ST18: variants seen among roughly 807,000 people sequenced by gnomAD.
ST18 encodes suppression of tumorigenicity 18 protein.
A neutral mutation model predicts 110.0 loss-of-function variants in ST18; 50 were observed. The observed-to-expected ratio is 0.45, with a 90% CI of 0.36 to 0.58. ST18 has a LOEUF of 0.58. Among genes scored for constraint, ST18 ranks in the 20% least tolerant of loss-of-function variants. The pLI is 0.00. For missense variants in ST18, 1,306 were observed against 1,280.1 expected (o/e 1.02, Z -0.31); for synonymous variants, 461 against 452.4 (o/e 1.02, Z -0.24).
chr8:52,280,450 T>C (rs1232050471), intron 2 of ST18, among the ~76,000 whole-genome samples: 1 of 152,028 alleles, frequency 6.6e-6, no homozygotes. Context: ...ATGCATGACA[T>C]GTATATACAC....
intron 2 of ST18, among the ~76,000 whole-genome samples, chr8:52,267,973 T>C (rs1660267394): frequency 6.6e-6 from 1 of 152,168 alleles, no homozygotes; most frequent in African/African-American, 2.4e-5. Context: ...GCCAGGAAAA[T>C]ACACATAAAG....
intron 13 of ST18, among the ~76,000 whole-genome samples, chr8:52,163,268 C>T (rs1468481344): frequency 2.0e-5 from 3 of 152,134 alleles, no homozygotes; most frequent in Admixed American, 2.0e-4. Context: ...ATCTTGAAAA[C>T]GTTGAAATGT....
intron 8 of ST18, chr8:52,199,018 C>T (rs1321041719): frequency 2.0e-5 from 3 of 152,166 alleles, no homozygotes; most frequent in Admixed American, 6.5e-5. Flanking sequence ...CATTGGTACT[C>T]ATGGGGTGCC....
intron 2 of ST18, among the ~76,000 whole-genome samples, chr8:52,336,874 T>C (rs1812350311): frequency 6.6e-6 from 1 of 152,234 alleles, no homozygotes; most frequent in South Asian, 2.1e-4. Context: ...TTGTAAGCCC[T>C]GAGGCTCAGA....
intron 2 of ST18, among the ~76,000 whole-genome samples, chr8:52,237,442 A>T (rs1275758809): frequency 6.6e-6 from 1 of 152,194 alleles, no homozygotes. Context: ...ATGAATCAGG[A>T]ACTATTAATT....
chr8:52,173,494 C>G (rs1438616850), intron 9 of ST18, among the ~76,000 whole-genome samples: 2 of 152,158 alleles, frequency 1.3e-5, no homozygotes, highest in East Asian at 1.9e-4. Context: ...TCAGTGTCAC[C>G]CCCTCTTGCT....
chr8:52,115,838 T>C (rs2042343235), intron 25 of ST18, among the ~76,000 whole-genome samples: 1 of 152,196 alleles, frequency 6.6e-6, no homozygotes, highest in Non-Finnish European at 1.5e-5. Context: ...ACGTTCTTCA[T>C]ACTTCCATAT....
intron 2 of ST18, among the ~76,000 whole-genome samples, chr8:52,290,656 G>A (rs778407344): frequency 7.2e-5 from 11 of 152,032 alleles, no homozygotes; most frequent in Non-Finnish European, 1.3e-4. Flanking sequence ...AGGTGTGGAC[G>A]ACCCTTCTGA....
At chr8:52,268,610 T>C (rs919086278) in intron 2 of ST18, among the ~76,000 whole-genome samples, 1 of 152,164 alleles carries the variant, frequency 6.6e-6, no homozygotes, top group African/African-American at 2.4e-5. Flanking sequence ...AGAAAGAACT[T>C]ACAGCAGCTT....
chr8:52,330,468 T>A (rs934741436), intron 2 of ST18, among the ~76,000 whole-genome samples: 1 of 152,188 alleles, frequency 6.6e-6, no homozygotes, highest in East Asian at 1.9e-4. Context: ...ATAGCAAATG[T>A]CCCTTTTCAA....
chr8:52,162,327 T>A (rs1409788650), intron 13 of ST18, among the ~76,000 whole-genome samples: 1 of 152,216 alleles, frequency 6.6e-6, no homozygotes, highest in Non-Finnish European at 1.5e-5. Flanking sequence ...GTCACAATTG[T>A]GACCAGTGAG....
Position 52,214,391 on chromosome 8 carries a change from A to C in ST18, c.1-134T>G, listed in dbSNP as rs2083364491. On this transcript the variant is annotated intron_variant, in intron 6 of 25. Transcript: ENST00000689386. The stretch of plus-strand genomic sequence containing the variant: ...TGCTCTTGACTCACAGCCCGGCTCT[A>C]TAGTACATAACTGTGACTCCCCCCA... 8.4e-6 allele frequency: 7 copies of C among 833,180 alleles called. No individual in the cohort carries two copies. The Admixed American group carries it at 8.5e-5, about 10-fold the overall frequency. The allele number at this position is 833,180 out of a possible 1,614,324, so 51.6% of individuals were successfully genotyped here. A position where few individuals can be genotyped will look rare whatever the true frequency, so the allele number is the denominator to read the frequency against.
intron 2 of ST18, among the ~76,000 whole-genome samples, chr8:52,260,530 T>C (rs1289814647): frequency 6.7e-6 from 1 of 150,146 alleles, no homozygotes; most frequent in Non-Finnish European, 1.5e-5. Context: ...GGACTGTAGG[T>C]GATCTGAAAG....
chr8:52,217,536 GA>G (rs2084830337), intron 6 of ST18, among the ~76,000 whole-genome samples: 1 of 152,150 alleles, frequency 6.6e-6, no homozygotes, highest in Non-Finnish European at 1.5e-5. Context: ...TTTCTGGGGA[GA>G]GGGGTGAATG....
At chr8:52,364,921 T>A (rs948446384) in intron 2 of ST18, among the ~76,000 whole-genome samples, 2 of 151,974 alleles carry the variant, frequency 1.3e-5, no homozygotes, top group African/African-American at 4.8e-5. Flanking sequence ...ACCAGCCTGG[T>A]CAACAGGGCA....
chr8:52,261,750 C>T (rs572512482), intron 2 of ST18, among the ~76,000 whole-genome samples: 12 of 152,318 alleles, frequency 7.9e-5, no homozygotes, highest in African/African-American at 2.4e-5. Flanking sequence ...TTTGTCCCAA[C>T]ATTTCATCCT....
chr8:52,246,872 T>G (rs2093902035), intron 2 of ST18, among the ~76,000 whole-genome samples: 1 of 152,178 alleles, frequency 6.6e-6, no homozygotes, highest in Non-Finnish European at 1.5e-5. Flanking sequence ...CCCATCACTC[T>G]TGCCCCCATC....
At chr8:52,252,559 A>G (rs1412585284) in intron 2 of ST18, among the ~76,000 whole-genome samples, 1 of 151,978 alleles carries the variant, frequency 6.6e-6, no homozygotes, top group East Asian at 1.9e-4. Flanking sequence ...AAAAGTTTCA[A>G]TGTACTTTGA....
intron 7 of ST18, 41 bp from the exon 8 acceptor site, chr8:52,212,150 G>T: frequency 6.3e-7 from 1 of 1,577,046 alleles, no homozygotes; most frequent in South Asian, 1.2e-5. Context: ...TTAATCAGTT[G>T]ATAATTTTCA....
Sources: gnomAD v4.1 joint callset for allele counts (sites outside exome capture counted in the v4.1 genomes callset) on GRCh38, gnomAD v4.1.1 for gene constraint, MANE v1.5 for transcripts, NCBI Gene and HGNC (gene_info 2026-07-23, HGNC 2026-07-21) for gene names.